The following SPOCK3 variants were observed in gnomAD, a reference collection of about 807,000 sequenced individuals.
SPOCK3 encodes the protein testican-3.
A neutral mutation model predicts 56.6 loss-of-function variants in SPOCK3; 30 were observed. That is an observed-to-expected ratio of 0.53 (90% confidence interval 0.40 to 0.72). The LOEUF (loss-of-function observed/expected upper bound fraction) is 0.72. Among genes scored for constraint, SPOCK3 ranks in the 30% least tolerant of loss-of-function variants. The pLI is 0.00. For missense variants in SPOCK3, 527 were observed against 530.0 expected, an observed-to-expected ratio of 0.99 and a Z score of 0.06; for synonymous variants, 196 against 183.3, an observed-to-expected ratio of 1.07 and a Z score of -0.56.
intron 2 of SPOCK3, among the ~76,000 whole-genome samples, chr4:167,121,935 T>A (rs1345634718): frequency 1.3e-5 from 2 of 152,048 alleles, no homozygotes; most frequent in Non-Finnish European, 2.9e-5. Context: ...ATCATTCACA[T>A]AATGTCAGAT....
chr4:167,052,781 C>A (rs188648286), intron 3 of SPOCK3, among the ~76,000 whole-genome samples: 196 of 152,214 alleles, frequency 1.3e-3, no homozygotes, highest in Non-Finnish European at 2.1e-3. Flanking sequence ...ATAAATGATA[C>A]TCATGTAAAT....
chr4:166,741,716 A>T (rs576487766), intron 9 of SPOCK3, among the ~76,000 whole-genome samples: 232 of 152,282 alleles, frequency 1.5e-3, no homozygotes, highest in African/African-American at 5.3e-3. Context: ...ATTTGAACTG[A>T]ATTTTCTGCT....
intron 6 of SPOCK3, among the ~76,000 whole-genome samples, chr4:166,808,405 G>A (rs1180372782): frequency 1.3e-5 from 2 of 151,952 alleles, no homozygotes; most frequent in African/African-American, 4.8e-5. Context: ...TATAGGTGGG[G>A]CCCTAATGTG....
At chr4:166,737,713 A>G in intron 9 of SPOCK3, 109 bp from the exon 10 acceptor site, 1 of 1,190,814 alleles carries the variant, frequency 8.4e-7, no homozygotes, top group Non-Finnish European at 1.2e-6. Context: ...AGACTTACAC[A>G]TATGGAGTGT....
chr4:167,174,204 T>C (rs903204111), intron 2 of SPOCK3, among the ~76,000 whole-genome samples: 1 of 152,134 alleles, frequency 6.6e-6, no homozygotes, highest in Non-Finnish European at 1.5e-5. Flanking sequence ...TATTAGTGTA[T>C]GATTTGTCCA....
chr4:167,012,062 A>G (rs549801924), intron 3 of SPOCK3, among the ~76,000 whole-genome samples: 16 of 152,114 alleles, frequency 1.1e-4, no homozygotes, highest in Admixed American at 3.3e-4. Context: ...AATAAATTAA[A>G]AAACTGAAAA....
At chr4:167,156,109 C>T (rs1471266269) in intron 2 of SPOCK3, among the ~76,000 whole-genome samples, 1 of 152,076 alleles carries the variant, frequency 6.6e-6, no homozygotes, top group Non-Finnish European at 1.5e-5. Context: ...AGTATCATAA[C>T]ATTTAGTCAA....
intron 2 of SPOCK3, among the ~76,000 whole-genome samples, chr4:167,160,104 C>T (rs1176244514): frequency 6.6e-6 from 1 of 151,974 alleles, no homozygotes. Context: ...TCAAATTGTC[C>T]CTGTTTGCAG....
chr4:167,121,034 T>C (rs1405782201), intron 2 of SPOCK3, among the ~76,000 whole-genome samples: 1 of 151,766 alleles, frequency 6.6e-6, no homozygotes, highest in Non-Finnish European at 1.5e-5. Context: ...ATTTTGATAG[T>C]TATTCTGCAG....
At chr4:167,171,962 A>C (rs1730540536) in intron 2 of SPOCK3, among the ~76,000 whole-genome samples, 1 of 152,146 alleles carries the variant, frequency 6.6e-6, no homozygotes. Context: ...CAGGAACAGG[A>C]CTAAAGAGGA....
chr4:166,993,194 G>A (rs1292800937), intron 4 of SPOCK3, among the ~76,000 whole-genome samples: 5 of 152,150 alleles, frequency 3.3e-5, no homozygotes, highest in Non-Finnish European at 5.9e-5. Context: ...TCAAATGCAA[G>A]GAGGGTTCCT....
At chr4:166,817,943 A>C (rs963460975) in intron 6 of SPOCK3, among the ~76,000 whole-genome samples, 1 of 152,060 alleles carries the variant, frequency 6.6e-6, no homozygotes, top group Non-Finnish European at 1.5e-5. Context: ...CTTTAAAATT[A>C]CCAACTTTTA....
intron 9 of SPOCK3, among the ~76,000 whole-genome samples, chr4:166,740,528 T>TATC (rs765643829): frequency 4.7e-5 from 1 of 21,100 alleles, no homozygotes. Flanking sequence ...TTATTATTAT[T>TATC]ATCATTATTA....
intron 6 of SPOCK3, among the ~76,000 whole-genome samples, chr4:166,832,725 A>T (rs1746209085): frequency 6.6e-6 from 1 of 152,224 alleles, no homozygotes; most frequent in East Asian, 1.9e-4. Flanking sequence ...TGCAGTCATG[A>T]AAAAGAACAA....
At chr4:166,989,492 T>A (rs1338438798) in intron 4 of SPOCK3, among the ~76,000 whole-genome samples, 1 of 152,166 alleles carries the variant, frequency 6.6e-6, no homozygotes, top group Admixed American at 6.6e-5. Context: ...AATTCCAGTA[T>A]TTTTTGTGTC....
intron 3 of SPOCK3, among the ~76,000 whole-genome samples, chr4:167,031,313 A>G (rs1046890879): frequency 6.6e-6 from 1 of 152,038 alleles, no homozygotes; most frequent in African/African-American, 2.4e-5. Flanking sequence ...TACTTTAGAA[A>G]AGGGATATTC....
rs1318282373 is a variant in SPOCK3 at position 166,860,810 on chromosome 4, T to TAC, written c.589+28319_589+28320insGT. 4.6e-4 allele frequency among the ~76,000 whole-genome samples: 66 copies of TAC among 143,340 alleles called. 1 individual carries two copies. Among genetic ancestry groups the TAC allele is most frequent in the Admixed American group, 2.0e-3 (29 of 14,298 alleles). The allele number at this position is 143,340 out of a possible 152,430, so 94.0% of individuals were successfully genotyped here. On this transcript the variant is annotated intron_variant, in intron 6 of 10. Coordinates refer to ENST00000357545, the MANE Select transcript of SPOCK3 (RefSeq NM_001040159.2). The stretch of plus-strand genomic sequence containing the variant: ...ACATGCACACACAAATTCATATATA[T>TAC]ATATATGTATATATATATATGCATA...
intron 6 of SPOCK3, among the ~76,000 whole-genome samples, chr4:166,862,109 G>C (rs1453858762): frequency 1.3e-5 from 2 of 152,078 alleles, no homozygotes; most frequent in East Asian, 3.9e-4. Context: ...CAATTTAAAT[G>C]ATGCTTAAGT....
Position 166,754,535 on chromosome 4 carries a change from A to T in SPOCK3, c.904T>A (p.Trp302Arg). The change falls in exon 8 of 11, where the codon TGG becomes AGG. Residue 302 changes from tryptophan to arginine, a missense_variant. Physicochemically the swap from Trp to Arg is moderately radical, Grantham distance 101 (BLOSUM62 -3). Coordinates refer to ENST00000357545, the MANE Select transcript of SPOCK3 (RefSeq NM_001040159.2). ...TGCTGTCTCTGGAAGCAGTAGCACC[A>T]CTCATTATTAGATATTAAACTGTCC... ...YKDSLISNNE[W>R]CYCFQRQQDP... is the part of the protein sequence containing the mutation. The T allele has an allele frequency of 6.2e-7, 1 of 1,613,324 alleles. No homozygotes were observed. Among genetic ancestry groups the T allele is most frequent in the South Asian group, 1.1e-5 (1 of 91,056 alleles).
Sources: allele counts gnomAD v4.1 joint callset (sites outside exome capture counted in the v4.1 genomes callset), GRCh38; gene constraint gnomAD v4.1.1; transcripts MANE v1.5; gene names NCBI Gene and HGNC (gene_info 2026-07-23, HGNC 2026-07-21).